The following RASAL1 variants were observed in gnomAD, a reference collection of about 807,000 sequenced individuals.
RASAL1 encodes RAS protein activator like 1, also known as rasGAP-activating-like protein 1.
A neutral mutation model predicts 96.6 loss-of-function variants in RASAL1; 72 were observed. The ratio of observed to expected loss-of-function variants is 0.75; its 90% CI spans 0.62 to 0.91. RASAL1 has a LOEUF of 0.91. Among genes scored for constraint, RASAL1 ranks in the 40% least tolerant of loss-of-function variants. The pLI, the probability that RASAL1 is intolerant of heterozygous loss-of-function variation, is 0.00. For synonymous variants in RASAL1, 405 were observed against 430.4 expected, an observed-to-expected ratio of 0.94 and a Z score of 0.73; for missense variants, 1,016 against 1,072.5, an observed-to-expected ratio of 0.95 and a Z score of 0.74.
At chr12:113,127,676 A>G in intron 4 of RASAL1, 136 bp downstream of exon 4, 2 of 759,012 alleles carry the variant, frequency 2.6e-6, no homozygotes, top group Non-Finnish European at 4.1e-6. Flanking sequence ...AAGCAAACAA[A>G]AAGTAAAGAC....
chr12:113,125,517 A>C (rs1375872459), intron 4 of RASAL1, among the ~76,000 whole-genome samples: 1 of 152,252 alleles, frequency 6.6e-6, no homozygotes, highest in East Asian at 1.9e-4. Flanking sequence ...CTCATGGAGA[A>C]GTGCAAAATA....
At chr12:113,106,616 TAAC>T (rs1453525932) in intron 15 of RASAL1, among the ~76,000 whole-genome samples, 1 of 152,168 alleles carries the variant, frequency 6.6e-6, no homozygotes, top group Non-Finnish European at 1.5e-5. Flanking sequence ...CAAGGCTCTC[TAAC>T]TTTTCCCTTT....
intron 12 of RASAL1, 137 bp from the exon 13 acceptor site, chr12:113,112,415 G>A (rs538612378): frequency 1.7e-6 from 1 of 593,576 alleles, no homozygotes; most frequent in East Asian, 3.5e-5. Context: ...CTTCCCACCG[G>A]GTTTCTTGCT....
At chr12:113,101,863 G>A (rs1441846666) in intron 19 of RASAL1, 26 bp downstream of exon 19, 3 of 1,608,708 alleles carry the variant, frequency 1.9e-6, no homozygotes, top group Non-Finnish European at 2.5e-6. Context: ...CATAGGAGGT[G>A]AAGTGGGATG....
In RASAL1 at chr12:113,110,005, C is replaced by T. The variant is rs149432377; in HGVS notation, c.1375-1783G>A. Reference sequence around the variant, plus strand: ...ACCTTGGGGGCTGAGAACTAGAGGACACTTGGGTGTCACTGATATTGGCTC... The same window carrying T: ...ACCTTGGGGGCTGAGAACTAGAGGATACTTGGGTGTCACTGATATTGGCTC... On this transcript the variant is annotated intron_variant, in intron 13 of 20. Transcript: ENST00000548055. Among the ~76,000 whole-genome samples, 19 of 152,346 alleles carry T rather than the reference C, an allele frequency of 1.2e-4. 1 individual carries two copies. In the South Asian group the frequency reaches 3.9e-3, roughly 32 times the overall value.
rs1951604223 is a variant in RASAL1, at chr12:113,129,044, A to G, written c.123-866T>C. 6.6e-6 allele frequency among the ~76,000 whole-genome samples: 1 copy of G among 152,104 alleles called. No individual in the cohort carries two copies. Among genetic ancestry groups the G allele is most frequent in the Admixed American group, 6.6e-5 (1 of 15,258 alleles). ...TTGTTCATTCGTTTACTCCATAAAC[A>G]TTCACTTGGACTATGGGCCCAGCCT... On this transcript the variant is annotated intron_variant, in intron 2 of 20. Coordinates refer to ENST00000548055, the MANE Select transcript of RASAL1 (RefSeq NM_001301202.2). The surrounding 1 kb of genome is among the most constrained non-coding windows in gnomAD (Gnocchi z 5.0).
At chr12:113,112,954 A>AAAATAAATAAATAAATAAATAAATAAAT (rs3038168) in intron 12 of RASAL1, among the ~76,000 whole-genome samples, 37 of 149,610 alleles carry the variant, frequency 2.5e-4, no homozygotes, top group African/African-American at 8.6e-4. Flanking sequence ...TCCATCTCAA[A>AAAATAAATAAATAAATAAATAAATAAAT]AAATAAATAA....
intron 8 of RASAL1, among the ~76,000 whole-genome samples, chr12:113,116,805 A>T (rs964284810): frequency 6.6e-6 from 1 of 152,246 alleles, no homozygotes; most frequent in African/African-American, 2.4e-5. Context: ...AATGAACAGT[A>T]TGGAGAGGTG....
intron 12 of RASAL1, among the ~76,000 whole-genome samples, chr12:113,113,240 C>A (rs1950941480): frequency 6.6e-6 from 1 of 152,184 alleles, no homozygotes; most frequent in Non-Finnish European, 1.5e-5. Context: ...ACGTGCTGAG[C>A]CCTGGACTTG....
intron 3 of RASAL1, 51 bp from the exon 4 acceptor site, chr12:113,127,924 G>A (rs759392778): frequency 1.9e-5 from 30 of 1,592,272 alleles, no homozygotes; most frequent in South Asian, 3.3e-5. Context: ...CCTTTGCCCC[G>A]CCCCAAGAGA....
chr12:113,114,963 A>C, intron 11 of RASAL1, 51 bp from the exon 12 acceptor site: 1 of 1,442,284 alleles, frequency 6.9e-7, no homozygotes, highest in Non-Finnish European at 9.7e-7. Context: ...AGGCCGGGGC[A>C]TGCCCATGAG....
intron 11 of RASAL1, 31 bp from the exon 12 acceptor site, chr12:113,114,943 G>A: frequency 6.4e-7 from 1 of 1,562,776 alleles, no homozygotes; most frequent in Non-Finnish European, 8.8e-7. Context: ...ACGGGGTGGG[G>A]CTGAGGGCGA....
intron 1 of RASAL1, among the ~76,000 whole-genome samples, chr12:113,133,959 G>A (rs995406810): frequency 6.6e-6 from 1 of 152,192 alleles, no homozygotes; most frequent in African/African-American, 2.4e-5. Flanking sequence ...GACACCCATC[G>A]CCCCCTCATG....
At chr12:113,134,819 C>CG (rs1566078158) in intron 1 of RASAL1, among the ~76,000 whole-genome samples, 2 of 152,088 alleles carry the variant, frequency 1.3e-5, no homozygotes, top group African/African-American at 4.8e-5. Flanking sequence ...GCTCAGCACC[C>CG]GGGGAAGGCC....
At chr12:113,133,616 TG>T (rs1951798040) in intron 1 of RASAL1, among the ~76,000 whole-genome samples, 1 of 152,184 alleles carries the variant, frequency 6.6e-6, no homozygotes, top group Non-Finnish European at 1.5e-5. Context: ...AGGCAGAATC[TG>T]GGCCCTTTCC....
At chr12:113,111,593 G>A (rs1950866831) in intron 13 of RASAL1, among the ~76,000 whole-genome samples, 1 of 151,948 alleles carries the variant, frequency 6.6e-6, no homozygotes, top group Non-Finnish European at 1.5e-5. Context: ...TTTATTATTG[G>A]TATTTATTTG....
At chr12:113,111,226 C>G (rs1950856309) in intron 13 of RASAL1, among the ~76,000 whole-genome samples, 2 of 152,228 alleles carry the variant, frequency 1.3e-5, no homozygotes, top group Admixed American at 6.5e-5. Context: ...TGTTTCTGAG[C>G]ACTTACTGTA....
chr12:113,119,492 GC>G, intron 5 of RASAL1, 49 bp from the exon 6 acceptor site: 1 of 1,530,542 alleles, frequency 6.5e-7, no homozygotes, highest in South Asian at 1.2e-5. Context: ...CCCAAGTTGG[GC>G]CTTGGAAAGG....
intron 13 of RASAL1, among the ~76,000 whole-genome samples, chr12:113,110,210 G>C (rs1950818175): frequency 6.6e-6 from 1 of 152,202 alleles, no homozygotes. Context: ...CAGCTGGGGA[G>C]GAGGGGGAGG....
Sources: gnomAD v4.1 joint callset for allele counts (sites outside exome capture counted in the v4.1 genomes callset) on GRCh38, gnomAD v4.1.1 for gene constraint, Gnocchi (gnomAD v3.1) non-coding constraint, MANE v1.5 for transcripts, NCBI Gene and HGNC (gene_info 2026-07-23, HGNC 2026-07-21) for gene names.